SRGAP2B: variants seen among roughly 807,000 people sequenced by gnomAD.
SRGAP2B encodes SLIT-ROBO Rho GTPase activating protein 2B.
SRGAP2B carries 9 observed loss-of-function variants against 22.2 expected under a neutral mutation model. That is an observed-to-expected ratio of 0.41 (90% CI 0.24 to 0.71). The LOEUF is 0.71. Among genes scored for constraint, SRGAP2B ranks in the 30% least tolerant of loss-of-function variants. The pLI is 0.35. For missense variants in SRGAP2B, 114 were observed against 235.8 expected (o/e 0.48, Z 3.38); for synonymous variants, 36 against 87.4 (o/e 0.41, Z 3.28).
intron 4 of SRGAP2B, among the ~76,000 whole-genome samples, chr1:144,940,389 T>C (rs1665935180): frequency 6.9e-6 from 1 of 145,738 alleles, no homozygotes; most frequent in South Asian, 2.2e-4. Flanking sequence ...GGAAGTAGGG[T>C]ATTTCCAAAT....
rs1269068371 is a variant in SRGAP2B at position 144,903,859 on chromosome 1, CT to C, written c.831+1231del. Among the ~76,000 whole-genome samples the C allele has an allele frequency of 6.1e-4, 91 of 149,300 alleles. 1 individual carries two copies. The highest frequency in any genetic ancestry group is 2.0e-3 in the African/African-American group (78 of 39,606). ...AAATTGGCTGGCTCCAGATGCCTCA[CT>C]TTGATGACTGGAAGGAGAGGTGAGA... On this transcript the variant is annotated intron_variant, in intron 7 of 9. Coordinates refer to ENST00000612199, the Ensembl canonical transcript of SRGAP2B.
chr1:144,984,206 G>T (rs1669524836), intron 3 of SRGAP2B, among the ~76,000 whole-genome samples: 1 of 150,138 alleles, frequency 6.7e-6, no homozygotes, highest in Admixed American at 6.6e-5. Context: ...TGTAATCCCA[G>T]CTACTCGGGA....
chr1:145,051,279 CTG>C (rs1650155552), intron 2 of SRGAP2B, among the ~76,000 whole-genome samples: 1 of 119,032 alleles, frequency 8.4e-6, no homozygotes, highest in Middle Eastern at 4.3e-3. Context: ...TTCTCTGCCT[CTG>C]TCTCTCATCT....
chr1:145,076,495 G>A (rs1287038999), intron 2 of SRGAP2B, among the ~76,000 whole-genome samples: 3 of 150,076 alleles, frequency 2.0e-5, no homozygotes, highest in Admixed American at 6.6e-5. Flanking sequence ...CTATTGATAT[G>A]CACAACAACC....
At chr1:144,966,704 TAA>T (rs1257600895) in intron 3 of SRGAP2B, among the ~76,000 whole-genome samples, 1 of 146,972 alleles carries the variant, frequency 6.8e-6, no homozygotes. Flanking sequence ...GGCAAATGGA[TAA>T]AGAGTCAAGA....
chr1:145,013,036 T>C (rs587767477), intron 2 of SRGAP2B, among the ~76,000 whole-genome samples: 1 of 150,430 alleles, frequency 6.6e-6, no homozygotes, highest in South Asian at 2.1e-4. Context: ...TGAGCCGAGA[T>C]CACACCGCTG....
chr1:144,965,178 G>A (rs1323350049), intron 3 of SRGAP2B: 5 of 1,056,596 alleles, frequency 4.7e-6, no homozygotes, highest in South Asian at 1.3e-5. Context: ...TGGCCGAATA[G>A]GAACAGCTCC....
Position 145,022,769 on chromosome 1 carries a change from G to A in SRGAP2B, c.68-27569C>T, listed in dbSNP as rs1433517501. Among the ~76,000 whole-genome samples the A allele has an allele frequency of 2.0e-5, 3 of 149,890 alleles. No homozygotes were observed. The East Asian group carries it at 5.9e-4, about 29-fold the overall frequency. ...AAGATGATTAAAAGCAGGACAGGCA[G>A]AAAGATGATGGCATTTTCACCTCAC... is the stretch of plus-strand genomic sequence containing the variant. On this transcript the variant is annotated intron_variant, in intron 2 of 9. Transcript: ENST00000612199.
At chr1:144,959,116 GAC>G (rs1667488900) in intron 3 of SRGAP2B, among the ~76,000 whole-genome samples, 1 of 149,100 alleles carries the variant, frequency 6.7e-6, no homozygotes, top group Non-Finnish European at 1.5e-5. Flanking sequence ...CCTATAACTT[GAC>G]ACACAGCAGC....
At chr1:145,022,643 G>C (rs1388149698) in intron 2 of SRGAP2B, among the ~76,000 whole-genome samples, 2 of 150,382 alleles carry the variant, frequency 1.3e-5, no homozygotes, top group Admixed American at 6.6e-5. Flanking sequence ...TTAAGTTTCT[G>C]AATGGCTAAT....
At chr1:144,906,732 A>AT (rs1663015224) in intron 5 of SRGAP2B, among the ~76,000 whole-genome samples, 2 of 115,206 alleles carry the variant, frequency 1.7e-5, no homozygotes, top group African/African-American at 7.4e-5. Flanking sequence ...CACACAACAC[A>AT]TTTTCTCATT....
At chr1:144,903,731 C>T (rs1232065917) in intron 7 of SRGAP2B, among the ~76,000 whole-genome samples, 157 of 133,880 alleles carry the variant, frequency 1.2e-3, no homozygotes, top group African/African-American at 4.4e-3. Context: ...CAAGAGTGGT[C>T]GGGCCAGAGT....
At chr1:144,960,584 A>C (rs1318484030) in intron 3 of SRGAP2B, among the ~76,000 whole-genome samples, 5 of 150,708 alleles carry the variant, frequency 3.3e-5, no homozygotes, top group African/African-American at 7.5e-5. Context: ...AGCCAAGTCT[A>C]TAAAGGTCCA....
At position 144,971,382 on chromosome 1, in the gene SRGAP2B, TG is replaced by T. The variant is rs1305890081; in HGVS notation, c.261-15782del. ...CTGACCTCAGGTGATCTGTCCACAT[TG>T]GCCTCCCAAAGTGCTGGGATTACAG... On this transcript the variant is annotated intron_variant, in intron 3 of 9. Transcript: ENST00000612199. 1.3e-5 allele frequency among the ~76,000 whole-genome samples: 2 copies of T among 150,206 alleles called. 1 individual carries two copies. The highest frequency in any genetic ancestry group is 5.0e-5 in the African/African-American group (2 of 39,916).
chr1:144,966,138 G>A (rs1322623975), intron 3 of SRGAP2B, among the ~76,000 whole-genome samples: 1 of 148,222 alleles, frequency 6.7e-6, no homozygotes, highest in Non-Finnish European at 1.5e-5. Context: ...GAAATACAGA[G>A]AACGCCACAA....
At chr1:144,925,748 A>AAAG (rs1664657054) in intron 4 of SRGAP2B, among the ~76,000 whole-genome samples, 1 of 139,618 alleles carries the variant, frequency 7.2e-6, no homozygotes, top group Non-Finnish European at 1.5e-5. Context: ...AGAAAGAAAG[A>AAAG]AAGAAAGAAA....
intron 4 of SRGAP2B, among the ~76,000 whole-genome samples, chr1:144,939,786 C>T (rs1665890441): frequency 6.9e-6 from 1 of 145,816 alleles, no homozygotes; most frequent in Non-Finnish European, 1.5e-5. Flanking sequence ...ACTCTGAGAG[C>T]AGCAAAAAGA....
At chr1:145,047,130 C>T (rs1473031417) in intron 2 of SRGAP2B, among the ~76,000 whole-genome samples, 7 of 136,092 alleles carry the variant, frequency 5.1e-5, no homozygotes, top group South Asian at 2.5e-4. Context: ...GAGCCAAGAT[C>T]GCACCACTGC....
intron 2 of SRGAP2B, among the ~76,000 whole-genome samples, chr1:145,004,687 TGTG>T (rs1403828131): frequency 9.0e-6 from 1 of 110,518 alleles, no homozygotes; most frequent in Non-Finnish European, 1.7e-5. Flanking sequence ...ACACCAACTC[TGTG>T]GGAAGATCTG....
Sources: gnomAD v4.1 joint callset for allele counts (sites outside exome capture counted in the v4.1 genomes callset) on GRCh38, gnomAD v4.1.1 for gene constraint, MANE v1.5 for transcripts, NCBI Gene and HGNC (gene_info 2026-07-23, HGNC 2026-07-21) for gene names.